Variants in DNAAF3 observed in about 807,000 individuals in gnomAD.
DNAAF3 encodes UPF0470 protein C19orf51.
In DNAAF3, 40 loss-of-function variants were observed where a neutral mutation model predicts 50.9. The observed-to-expected ratio is 0.79, with a 90% CI of 0.61 to 1.02. The LOEUF is 1.02. Among genes scored for constraint, DNAAF3 ranks in the 50% least tolerant of loss-of-function variants. The pLI, the probability that DNAAF3 is intolerant of heterozygous loss-of-function variation, is 0.00. For synonymous variants in DNAAF3, 327 were observed against 322.8 expected (o/e 1.01, Z -0.14); for missense variants, 763 against 744.7 (o/e 1.02, Z -0.29).
At position 55,160,763 on chromosome 19, in the gene DNAAF3, T is replaced by C. The variant is rs769605152; in HGVS notation, c.925A>G (p.Ile309Val). ...AGCTCCGTCACGTTGTGTTGAGTGA[T>C]CTCCCCGGCCGTCTAACAGTAGAAG... ...NGQPVKTAGE[I>V]TQHNVTELLR... is the part of the protein sequence containing the mutation. The change falls in exon 9 of 12, where the codon ATC (isoleucine) becomes GTC (valine). Residue 309 changes from isoleucine to valine, a missense_variant. Transcript: ENST00000524407. This position sits in a 1 kb window ranked among gnomAD's most constrained non-coding sequence, Gnocchi z 4.7. 2.8e-5 allele frequency: 45 copies of C among 1,610,708 alleles called. No individual in the cohort carries two copies. The highest frequency in any genetic ancestry group is 3.7e-5 in the Non-Finnish European group (44 of 1,179,552).
Position 55,165,400 on chromosome 19 carries a change from G to A in DNAAF3, c.292C>T (p.Leu98=), listed in dbSNP as rs1356503399. 6.2e-7 allele frequency: 1 copy of A among 1,614,196 alleles called. No homozygotes were observed. Among genetic ancestry groups the A allele is most frequent in the South Asian group, 1.1e-5 (1 of 91,082 alleles). ...AGCCCCATCTTCTCCGGTTCCTCCA[G>A]GGCTAGGCTGAAGATCAGCATGTGT... ...ARHMLIFSLA[L]EEPEKMGLQE... is the part of the protein sequence containing the mutation. The change falls in exon 4 of 12, where the codon CTG becomes TTG. Residue 98 remains leucine (L), a synonymous_variant. Coordinates refer to ENST00000524407, the MANE Select transcript of DNAAF3 (RefSeq NM_001256715.2).
Position 55,165,873 on chromosome 19 carries a change from A to C in DNAAF3, c.213T>G (p.Pro71=). 6 of 1,614,104 alleles carry C rather than the reference A, an allele frequency of 3.7e-6. No individual in the cohort carries two copies. Among genetic ancestry groups the C allele is most frequent in the Non-Finnish European group, 5.1e-6 (6 of 1,180,004 alleles). The change falls in exon 3 of 12, where the codon CCT becomes CCG. Residue 71 remains proline (P), a synonymous_variant. Coordinates refer to ENST00000524407, the MANE Select transcript of DNAAF3 (RefSeq NM_001256715.2). The part of the protein sequence containing the change: ...LRTLSRAKFW[P]RRRFNFFVLE... ...CCCAGCTCACGTTGAACCTCCTGCG[A>C]GGCCAGAACTTCGCTCGGGACAGGG...
In DNAAF3 at chr19:55,165,413, G is replaced by T; in HGVS notation, c.279C>A (p.Ile93=). 6.2e-7 allele frequency: 1 copy of T among 1,614,174 alleles called. No individual in the cohort carries two copies. The highest frequency in any genetic ancestry group is 8.5e-7 in the Non-Finnish European group (1 of 1,180,038). ...NLEAVARHML[I]FSLALEEPEK... is the part of the protein sequence containing the mutation. ...CCGGTTCCTCCAGGGCTAGGCTGAAGATCAGCATGTGTCGGGCCACAGCTT... is the reference window on the plus strand; with the variant it reads ...CCGGTTCCTCCAGGGCTAGGCTGAATATCAGCATGTGTCGGGCCACAGCTT... Residue 93 remains isoleucine (I), a synonymous_variant, in exon 4 of 12, where the codon ATC becomes ATA. Coordinates refer to ENST00000524407, the MANE Select transcript of DNAAF3 (RefSeq NM_001256715.2).
In DNAAF3 at chr19:55,162,118, G is replaced by A; in HGVS notation, c.480+15C>T. 2.4e-6 allele frequency: 3 copies of A among 1,244,852 alleles called. No homozygotes were observed. The highest frequency in any genetic ancestry group is 3.0e-6 in the Non-Finnish European group (3 of 990,378). 77.1% of individuals were successfully genotyped at this position (1,244,852 alleles called of 1,614,324 possible). A position where few individuals can be genotyped will look rare whatever the true frequency, so the allele number is the denominator to read the frequency against. On this transcript the variant is annotated intron_variant, in intron 5 of 11. Transcript: ENST00000524407. Reference sequence around the variant, plus strand: ...CGCGGCCACCCGATCCCAGATGGAGGCCGGGCGGCGGCACCTTGAGGGCGC... The same window carrying A: ...CGCGGCCACCCGATCCCAGATGGAGACCGGGCGGCGGCACCTTGAGGGCGC...
chr19:55,159,660 G>A, intron 10 of DNAAF3, 53 bp from the exon 11 acceptor site: 1 of 1,609,714 alleles, frequency 6.2e-7, no homozygotes, highest in Non-Finnish European at 8.5e-7. Context: ...CCGGAGGGAG[G>A]ATGGGGCTCT....
chr19:55,162,244 GC>G lies in DNAAF3; in HGVS notation c.368del (p.Arg123ProfsTer64). 8.0e-7 allele frequency: 1 copy of G among 1,249,852 alleles called. No homozygotes were observed. 77.4% of individuals were successfully genotyped at this position (1,249,852 alleles called of 1,614,324 possible). On this transcript the variant is annotated frameshift_variant, in exon 5 of 12. Coordinates refer to ENST00000524407, the MANE Select transcript of DNAAF3 (RefSeq NM_001256715.2). LOFTEE classifies it high-confidence loss of function. ...FLEVWGNALLRPPVAAFVRAQ... is the reference protein window; with the variant it reads ...FLEVWGNALLXPPVAAFVRAQ... ...CACGCACGAAGGCGGCCACTGGCGG[GC>G]GCAGCAGCGCGTTCCCCCACACTTC...
At position 55,159,255 on chromosome 19, in the gene DNAAF3, A is replaced by G. The variant is rs770461794; in HGVS notation, c.1433T>C (p.Ile478Thr). The G allele has an allele frequency of 6.2e-7, 1 of 1,613,938 alleles. No individual in the cohort carries two copies. Among genetic ancestry groups the G allele is most frequent in the Non-Finnish European group, 8.5e-7 (1 of 1,180,016 alleles). The change falls in exon 12 of 12, where the codon ATC becomes ACC. Residue 478 changes from isoleucine (I) to threonine (T), a missense_variant. By Grantham distance (89) the Ile-to-Thr change is moderately conservative. Coordinates refer to ENST00000524407, the MANE Select transcript of DNAAF3 (RefSeq NM_001256715.2). ...GCTGGCTTCAAGAGGCTGGGCCAGG[A>G]TGTCAAGGGGCGGAGTTCCGGGTTC... ...AVEPGTPPLD[I>T]LAQPLEASNP...
At position 55,160,975 on chromosome 19, in the gene DNAAF3, T is replaced by G; in HGVS notation, c.912+90A>C. On this transcript the variant is annotated intron_variant, in intron 8 of 11. Transcript: ENST00000524407. The surrounding 1 kb of genome is among the most constrained non-coding windows in gnomAD (Gnocchi z 4.7). ...CCAAGCGACGGGCGGGGTCTGGAGCTGGGGGCGGGGCCTGCTGTGGGGGCG... is the reference window on the plus strand; with the variant it reads ...CCAAGCGACGGGCGGGGTCTGGAGCGGGGGGCGGGGCCTGCTGTGGGGGCG... The G allele has an allele frequency of 6.9e-7, 1 of 1,458,824 alleles. No homozygotes were observed. Among genetic ancestry groups the G allele is most frequent in the Non-Finnish European group, 9.0e-7 (1 of 1,108,874 alleles). 90.4% of individuals were successfully genotyped at this position (1,458,824 alleles called of 1,614,324 possible).
In DNAAF3 at chr19:55,159,986, A is replaced by G. The variant is rs763686300; in HGVS notation, c.1076T>C (p.Val359Ala). 6 of 1,611,842 alleles carry G rather than the reference A, an allele frequency of 3.7e-6. 1 individual carries two copies. Among genetic ancestry groups the G allele is most frequent in the Non-Finnish European group, 5.1e-6 (6 of 1,178,918 alleles). Residue 359 changes from valine (V) to alanine (A), a missense_variant, in exon 10 of 12, where the codon GTC becomes GCC. Coordinates refer to ENST00000524407, the MANE Select transcript of DNAAF3 (RefSeq NM_001256715.2). ...PAAPTPESFT[V>A]HFLPLNSAQT... ...AGCAGAATTGAGCGGCAGGAAGTGG[A>G]CGGTGAAAGATTCCGGGGTCGGGGC...
Position 55,160,668 on chromosome 19 carries a change from C to T in DNAAF3, c.1020G>A (p.Ala340=), listed in dbSNP as rs781562056. 2.5e-6 allele frequency: 4 copies of T among 1,613,978 alleles called. No homozygotes were observed. The highest frequency in any genetic ancestry group is 2.2e-5 in the South Asian group (2 of 91,086). ...TGGDLEEQQH[A]EGSPEPGTPA... ...GAGTCCCTGGCTCCGGGCTTCCCTC[C>T]GCGTGCTGCTGCTCCTCCAGGTCCC... is the stretch of plus-strand genomic sequence containing the variant. The change falls in exon 9 of 12, where the codon GCG becomes GCA. Residue 340 remains alanine, a synonymous_variant. Transcript: ENST00000524407. This position sits in a 1 kb window ranked among gnomAD's most constrained non-coding sequence, Gnocchi z 4.7.
rs987576208 is a variant in DNAAF3 at position 55,160,516 on chromosome 19, A to C, written c.1048+124T>G. The C allele has an allele frequency of 3.6e-5, 54 of 1,501,718 alleles. No homozygotes were observed. In the South Asian group the frequency reaches 4.9e-4, roughly 14 times the overall value. 93.0% of individuals were successfully genotyped at this position (1,501,718 alleles called of 1,614,324 possible). A position where few individuals can be genotyped will look rare whatever the true frequency, so the allele number is the denominator to read the frequency against. ...TTAGGAAAGGGAGAGAAAGAGAGAAAAAGAGACAGAATATCAAGAAGCCGT... is the reference window on the plus strand; with the variant it reads ...TTAGGAAAGGGAGAGAAAGAGAGAACAAGAGACAGAATATCAAGAAGCCGT... On this transcript the variant is annotated intron_variant, in intron 9 of 11. Transcript: ENST00000524407. The surrounding 1 kb of genome is among the most constrained non-coding windows in gnomAD (Gnocchi z 4.7).
Position 55,161,056 on chromosome 19 carries a change from G to C in DNAAF3, c.912+9C>G. 1 of 1,535,386 alleles carries C rather than the reference G, an allele frequency of 6.5e-7. No individual in the cohort carries two copies. Among genetic ancestry groups the C allele is most frequent in the Non-Finnish European group, 8.8e-7 (1 of 1,142,816 alleles). ...CACCTCTACCCCCAGTCCCAGCCTCGCCGCGCACCTTGACTGGCTGGCCGT... is the reference window on the plus strand; with the variant it reads ...CACCTCTACCCCCAGTCCCAGCCTCCCCGCGCACCTTGACTGGCTGGCCGT... On this transcript the variant is annotated intron_variant, in intron 8 of 11. Coordinates refer to ENST00000524407, the MANE Select transcript of DNAAF3 (RefSeq NM_001256715.2). The surrounding 1 kb of genome is among the most constrained non-coding windows in gnomAD (Gnocchi z 6.4).
chr19:55,164,935 A>G (rs1240953298), intron 4 of DNAAF3, among the ~76,000 whole-genome samples: 1 of 150,974 alleles, frequency 6.6e-6, no homozygotes, highest in Non-Finnish European at 1.5e-5. Context: ...ACCATCATCA[A>G]TAAATATATT....
Position 55,161,802 on chromosome 19 carries a change from CT to C in DNAAF3, c.503del (p.Glu168GlyfsTer19). On this transcript the variant is annotated frameshift_variant, in exon 6 of 12. Transcript: ENST00000524407. LOFTEE classifies it high-confidence loss of function. This position sits in a 1 kb window ranked among gnomAD's most constrained non-coding sequence, Gnocchi z 6.4. ...CGCCAGCCCAGAAGCGGAATACGGC[CT>C]CCAGGGCATCCCGCTCGCGGAACTG... ...ALKFRERDAL[E>X]AVFRFWAGGE... is the part of the protein sequence containing the mutation. The C allele has an allele frequency of 6.9e-7, 1 of 1,459,530 alleles. No individual in the cohort carries two copies. Among genetic ancestry groups the C allele is most frequent in the Non-Finnish European group, 9.0e-7 (1 of 1,106,516 alleles). 90.4% of individuals were successfully genotyped at this position (1,459,530 alleles called of 1,614,324 possible).
In DNAAF3 at chr19:55,160,506, A is replaced by G; in HGVS notation, c.1048+134T>C. On this transcript the variant is annotated intron_variant, in intron 9 of 11. Transcript: ENST00000524407. The surrounding 1 kb of genome is among the most constrained non-coding windows in gnomAD (Gnocchi z 4.7). ...CTCTCAGAATTTAGGAAAGGGAGAG[A>G]AAGAGAGAAAAAGAGACAGAATATC... 9 of 1,448,920 alleles carry G rather than the reference A, an allele frequency of 6.2e-6. No individual in the cohort carries two copies. The highest frequency in any genetic ancestry group is 8.5e-6 in the Non-Finnish European group (9 of 1,061,016). 89.8% of individuals were successfully genotyped at this position (1,448,920 alleles called of 1,614,324 possible).
chr19:55,162,347 C>T, intron 4 of DNAAF3, 57 bp from the exon 5 acceptor site: 8 of 1,244,094 alleles, frequency 6.4e-6, no homozygotes, highest in Middle Eastern at 2.3e-4. Context: ...CCAGAAATTA[C>T]ACCCTTAATA....
chr19:55,159,599 T>C lies in DNAAF3; in HGVS notation c.1172A>G (p.His391Arg), dbSNP rs1319119243. The C allele has an allele frequency of 2.5e-6, 4 of 1,612,112 alleles. No individual in the cohort carries two copies. The highest frequency in any genetic ancestry group is 3.4e-6 in the Non-Finnish European group (4 of 1,179,162). ...GGCCCCAAGCTCAGGGATGAGAAGA[T>C]GGACCATACTGCAGAGAGGACGGAG... ...QLLYVACGMV[H>R]LLIPELGACV... The change falls in exon 11 of 12, where the codon CAT becomes CGT. Residue 391 changes from histidine to arginine, a missense_variant. Coordinates refer to ENST00000524407, the MANE Select transcript of DNAAF3 (RefSeq NM_001256715.2).
Position 55,160,107 on chromosome 19 carries a change from G to T in DNAAF3, c.1049-94C>A. 1.2e-6 allele frequency: 1 copy of T among 838,348 alleles called. No homozygotes were observed. The highest frequency in any genetic ancestry group is 2.0e-6 in the Non-Finnish European group (1 of 493,878). 51.9% of individuals were successfully genotyped at this position (838,348 alleles called of 1,614,324 possible). A position where few individuals can be genotyped will look rare whatever the true frequency, so the allele number is the denominator to read the frequency against. Reference sequence around the variant, plus strand: ...CACAGAGCTGGGCAGAGCTGGGCAGGCACACAGGACTTGGAGATAACACTT... The same window carrying T: ...CACAGAGCTGGGCAGAGCTGGGCAGTCACACAGGACTTGGAGATAACACTT... On this transcript the variant is annotated intron_variant, in intron 9 of 11. Coordinates refer to ENST00000524407, the MANE Select transcript of DNAAF3 (RefSeq NM_001256715.2). This position sits in a 1 kb window ranked among gnomAD's most constrained non-coding sequence, Gnocchi z 4.7.
chr19:55,159,624 G>C lies in DNAAF3; in HGVS notation c.1164-17C>G, dbSNP rs747254654. ...TGGACCATACTGCAGAGAGGACGGA[G>C]GACAGGCTGAGATTCAGCTCCAAAT... On this transcript the variant is annotated splice_polypyrimidine_tract_variant and intron_variant, in intron 10 of 11. Coordinates refer to ENST00000524407, the MANE Select transcript of DNAAF3 (RefSeq NM_001256715.2). 6.2e-7 allele frequency: 1 copy of C among 1,612,618 alleles called. No homozygotes were observed. Among genetic ancestry groups the C allele is most frequent in the South Asian group, 1.1e-5 (1 of 90,824 alleles).
Sources: allele counts gnomAD v4.1 joint callset (sites outside exome capture counted in the v4.1 genomes callset), GRCh38; gene constraint gnomAD v4.1.1; non-coding constraint Gnocchi (gnomAD v3.1); transcripts MANE v1.5; gene names NCBI Gene and HGNC (gene_info 2026-07-23, HGNC 2026-07-21).